Variants in TRAPPC12 observed in about 807,000 individuals in gnomAD.
The protein encoded by TRAPPC12 is trafficking protein particle complex subunit 12.
Under a neutral mutation model 69.2 loss-of-function variants are expected in TRAPPC12, and 61 were observed. The observed-to-expected ratio is 0.88, with a 90% confidence interval of 0.72 to 1.09. The LOEUF is 1.09. Ranked by LOEUF, TRAPPC12 falls within the 50% of genes least tolerant of loss-of-function variation. TRAPPC12 has a pLI of 0.00. For synonymous variants in TRAPPC12, 469 were observed against 438.9 expected (o/e 1.07, Z -0.86); for missense variants, 1,101 against 1,016.4 (o/e 1.08, Z -1.13).
At chr2:3,464,765 C>T (rs1558404793) in intron 8 of TRAPPC12, among the ~76,000 whole-genome samples, 1 of 152,356 alleles carries the variant, frequency 6.6e-6, no homozygotes, top group East Asian at 1.9e-4. Flanking sequence ...GACCGCGTTG[C>T]TCACACCTGG....
intron 3 of TRAPPC12, among the ~76,000 whole-genome samples, chr2:3,403,822 A>ACAT: frequency 6.6e-6 from 1 of 152,128 alleles, no homozygotes; most frequent in Non-Finnish European, 1.5e-5. Context: ...CTTTTTTGTT[A>ACAT]CATCACCTCT....
chr2:3,410,401 A>G (rs1661993616), intron 3 of TRAPPC12, among the ~76,000 whole-genome samples: 1 of 152,184 alleles, frequency 6.6e-6, no homozygotes, highest in Non-Finnish European at 1.5e-5. Flanking sequence ...TTTATTTTTA[A>G]TAGTTGTGAT....
chr2:3,440,928 A>C (rs1558385283), intron 5 of TRAPPC12, among the ~76,000 whole-genome samples: 1 of 152,058 alleles, frequency 6.6e-6, no homozygotes, highest in Non-Finnish European at 1.5e-5. Context: ...TTTGTTCTTT[A>C]GCCTGTTTGA....
intron 8 of TRAPPC12, among the ~76,000 whole-genome samples, chr2:3,464,800 G>A (rs771752082): frequency 9.2e-5 from 14 of 152,244 alleles, no homozygotes; most frequent in Admixed American, 2.0e-4. Flanking sequence ...TCCGCTCAGC[G>A]TCCAGCAAGT....
At position 3,433,215 on chromosome 2, in the gene TRAPPC12, T is replaced by A. The variant is rs1273737194; in HGVS notation, c.1417+8552T>A. Among the ~76,000 whole-genome samples, 3 of 152,042 alleles carry A rather than the reference T, an allele frequency of 2.0e-5. 1 individual carries two copies. The East Asian group carries it at 5.8e-4, about 29-fold the overall frequency. ...CTTATCCTGCCTGCTGAGGTCAGGA[T>A]AGGGAAGGACACACCCAGACAGGCA... On this transcript the variant is annotated intron_variant, in intron 5 of 11. Transcript: ENST00000324266.
intron 5 of TRAPPC12, among the ~76,000 whole-genome samples, chr2:3,435,422 C>G (rs556901689): frequency 2.0e-5 from 3 of 152,224 alleles, no homozygotes; most frequent in South Asian, 4.2e-4. Context: ...AAGAATTTTG[C>G]TACATTAGCG....
Position 3,479,522 on chromosome 2 carries a change from T to A in TRAPPC12, c.*61T>A. On this transcript the variant is annotated 3_prime_UTR_variant, in exon 12 of 12. Coordinates refer to ENST00000324266, the MANE Select transcript of TRAPPC12 (RefSeq NM_016030.6). ...CTTTGAAACTGTGTCTTGAAGCTAA[T>A]GTATTAATGTGACATGGAGGAACTC... The A allele has an allele frequency of 1.3e-6, 2 of 1,577,108 alleles. No homozygotes were observed. The highest frequency in any genetic ancestry group is 2.3e-5 in the South Asian group (2 of 85,244).
chr2:3,472,777 C>G (rs1026144454), intron 9 of TRAPPC12, among the ~76,000 whole-genome samples: 21 of 152,164 alleles, frequency 1.4e-4, no homozygotes, highest in African/African-American at 5.1e-4. Flanking sequence ...AAAAACGATT[C>G]ATGGCACTAG....
chr2:3,430,247 T>C (rs2103071372), intron 5 of TRAPPC12, among the ~76,000 whole-genome samples: 1 of 152,370 alleles, frequency 6.6e-6, no homozygotes, highest in South Asian at 2.1e-4. Flanking sequence ...CATTTCCCTT[T>C]GTACATGTTC....
At position 3,388,628 on chromosome 2, in the gene TRAPPC12, G is replaced by A. The variant is rs1572081300; in HGVS notation, c.1005G>A (p.Lys335=). The change falls in exon 2 of 12, where the codon AAG becomes AAA. Residue 335 remains lysine, a synonymous_variant. Coordinates refer to ENST00000324266, the MANE Select transcript of TRAPPC12 (RefSeq NM_016030.6). ...TQQRGAVFVD[K]ENLTMPGLRF... ...AGCGCGGCGCCGTGTTCGTGGACAA[G>A]GAGAACCTCACCATGCCGGGCCTCA... The A allele has an allele frequency of 6.3e-7, 1 of 1,591,122 alleles. No individual in the cohort carries two copies. Among genetic ancestry groups the A allele is most frequent in the Non-Finnish European group, 8.6e-7 (1 of 1,167,078 alleles).
At chr2:3,412,941 A>G (rs779710605) in intron 3 of TRAPPC12, among the ~76,000 whole-genome samples, 3 of 152,210 alleles carry the variant, frequency 2.0e-5, no homozygotes, top group Non-Finnish European at 4.4e-5. Context: ...TAGGAGTTGT[A>G]TTACCACAAA....
chr2:3,438,368 C>T (rs1663984994), intron 5 of TRAPPC12, among the ~76,000 whole-genome samples: 1 of 131,456 alleles, frequency 7.6e-6, no homozygotes, highest in Non-Finnish European at 1.6e-5. Context: ...TTAATACTTC[C>T]ACCCCTGGAT....
Position 3,479,467 on chromosome 2 carries a change from T to C in TRAPPC12, c.*6T>C. 6.2e-7 allele frequency: 1 copy of C among 1,613,450 alleles called. No homozygotes were observed. ...AGTGCCTCAAGCTGGCCTAGCTGCC[T>C]CCAACACACTACGTCAGAAGGACCC... On this transcript the variant is annotated 3_prime_UTR_variant, in exon 12 of 12. Transcript: ENST00000324266.
In TRAPPC12 at chr2:3,466,334, G is replaced by A. The variant is rs558344210; in HGVS notation, c.1776+639G>A. ...AACCTGGGCCAGGGAAAGGAGGCAC[G>A]AGCAAGGGATGGCTGAGCGGGGAGA... On this transcript the variant is annotated intron_variant, in intron 9 of 11. Coordinates refer to ENST00000324266, the MANE Select transcript of TRAPPC12 (RefSeq NM_016030.6). 8.1e-4 allele frequency: 384 copies of A among 471,190 alleles called. 1 individual carries two copies. The highest frequency in any genetic ancestry group is 7.0e-3 in the African/African-American group (351 of 50,204). 29.2% of individuals were successfully genotyped at this position (471,190 alleles called of 1,614,324 possible).
Position 3,412,013 on chromosome 2 carries a change from A to G in TRAPPC12, c.1165-9868A>G, listed in dbSNP as rs548448055. 3.9e-5 allele frequency among the ~76,000 whole-genome samples: 6 copies of G among 152,322 alleles called. No homozygotes were observed. In the South Asian group the frequency reaches 6.2e-4, roughly 16 times the overall value. ...TGCTAGTGAAGATCAACTCACTAGT[A>G]AATTATAATTTGCATTTCTTTGATT... On this transcript the variant is annotated intron_variant, in intron 3 of 11. Coordinates refer to ENST00000324266, the MANE Select transcript of TRAPPC12 (RefSeq NM_016030.6).
chr2:3,453,207 C>T (rs1664942043), intron 6 of TRAPPC12, among the ~76,000 whole-genome samples: 1 of 152,196 alleles, frequency 6.6e-6, no homozygotes, highest in African/African-American at 2.4e-5. Flanking sequence ...AAAAACCATC[C>T]TGCGCCCCCA....
chr2:3,399,266 C>T (rs767138948), intron 2 of TRAPPC12, among the ~76,000 whole-genome samples: 6 of 152,346 alleles, frequency 3.9e-5, no homozygotes, highest in Admixed American at 1.3e-4. Flanking sequence ...ATTGGCCCTC[C>T]GTCCCTGGCA....
intron 2 of TRAPPC12, among the ~76,000 whole-genome samples, chr2:3,392,807 T>C (rs547056433): frequency 2.6e-4 from 39 of 152,370 alleles, no homozygotes; most frequent in African/African-American, 8.9e-4. Context: ...AGCTACCATA[T>C]GATCTAACAG....
At chr2:3,455,457 G>T (rs1002228844) in intron 6 of TRAPPC12, 2 of 102,980 alleles carry the variant, frequency 1.9e-5, no homozygotes, top group Admixed American at 2.1e-4. Flanking sequence ...GGTCTTATTT[G>T]TTCTATTTTT....
Sources: allele counts gnomAD v4.1 joint callset (sites outside exome capture counted in the v4.1 genomes callset), GRCh38; gene constraint gnomAD v4.1.1; transcripts MANE v1.5; gene names NCBI Gene and HGNC (gene_info 2026-07-23, HGNC 2026-07-21).